Variants in SSBP2 observed in about 807,000 individuals in gnomAD.
SSBP2 encodes the protein single stranded DNA binding protein 2, also known as single-stranded DNA-binding protein 2.
A neutral mutation model predicts 61.8 loss-of-function variants in SSBP2; 17 were observed. The ratio of observed to expected loss-of-function variants is 0.28; its 90% CI spans 0.19 to 0.41. The LOEUF (loss-of-function observed/expected upper bound fraction) is 0.41. Ranked by LOEUF, SSBP2 falls within the 10% of genes least tolerant of loss-of-function variation. The pLI is 1.00. For synonymous variants in SSBP2, 139 were observed against 141.3 expected (o/e 0.98, Z 0.12); for missense variants, 310 against 458.7 (o/e 0.68, Z 2.96).
intron 4 of SSBP2, among the ~76,000 whole-genome samples, chr5:81,591,524 A>C (rs1388629728): frequency 6.6e-6 from 1 of 152,226 alleles, no homozygotes; most frequent in Non-Finnish European, 1.5e-5. Flanking sequence ...TAATACATTA[A>C]AGATTCTAAT....
chr5:81,743,108 T>C (rs1446943106), intron 1 of SSBP2, among the ~76,000 whole-genome samples: 3 of 152,128 alleles, frequency 2.0e-5, no homozygotes, highest in African/African-American at 7.2e-5. Context: ...ATCCTTAGGG[T>C]TTGAAAGATA....
chr5:81,508,470 T>G (rs1474228049), intron 5 of SSBP2, among the ~76,000 whole-genome samples: 1 of 152,200 alleles, frequency 6.6e-6, no homozygotes, highest in African/African-American at 2.4e-5. Flanking sequence ...CTGATTTTAC[T>G]TAATTGGTTT....
chr5:81,588,671 T>C (rs1434433459), intron 4 of SSBP2, among the ~76,000 whole-genome samples: 1 of 152,148 alleles, frequency 6.6e-6, no homozygotes, highest in African/African-American at 2.4e-5. Flanking sequence ...TAAATACTTG[T>C]TCATCAAACT....
intron 4 of SSBP2, among the ~76,000 whole-genome samples, chr5:81,588,473 T>C (rs966734303): frequency 3.3e-5 from 5 of 152,054 alleles, no homozygotes; most frequent in African/African-American, 1.2e-4. Context: ...CCATACTGCC[T>C]CAGTATGGGG....
chr5:81,702,378 C>G (rs1385429242), intron 1 of SSBP2, among the ~76,000 whole-genome samples: 1 of 151,716 alleles, frequency 6.6e-6, no homozygotes, highest in African/African-American at 2.4e-5. Context: ...CTCAAAAAAA[C>G]AAACAAACAA....
intron 8 of SSBP2, among the ~76,000 whole-genome samples, chr5:81,468,086 G>A (rs563740919): frequency 5.3e-4 from 81 of 152,060 alleles, no homozygotes; most frequent in Middle Eastern, 3.4e-3. Context: ...ATATCTAAAA[G>A]TAAACTCAAT....
rs527321337 is a variant in SSBP2, at chr5:81,688,810, G to A, written c.63-38471C>T. ...TACAATGCCTAACTCTTCAATGCTC[G>A]AACACTGATGAACAACTGCATGCAT... On this transcript the variant is annotated intron_variant, in intron 1 of 16. Transcript: ENST00000320672. 3.9e-5 allele frequency among the ~76,000 whole-genome samples: 6 copies of A among 152,132 alleles called. No individual in the cohort carries two copies. The South Asian group carries it at 8.3e-4, about 21-fold the overall frequency.
intron 5 of SSBP2, among the ~76,000 whole-genome samples, chr5:81,506,145 G>GA (rs1554077102): frequency 6.6e-6 from 1 of 151,850 alleles, no homozygotes; most frequent in Admixed American, 6.6e-5. Flanking sequence ...AGGCACCTTT[G>GA]TTTTTTTAGT....
chr5:81,474,791 A>G (rs992656085), intron 6 of SSBP2, among the ~76,000 whole-genome samples: 8 of 152,198 alleles, frequency 5.3e-5, no homozygotes, highest in Non-Finnish European at 7.3e-5. Context: ...GACAAATAAA[A>G]TAAGTATTTT....
At chr5:81,708,285 A>C (rs904996780) in intron 1 of SSBP2, among the ~76,000 whole-genome samples, 5 of 152,200 alleles carry the variant, frequency 3.3e-5, no homozygotes, top group Admixed American at 3.3e-4. Context: ...GCTATGAAAG[A>C]GTTATGCATA....
chr5:81,668,769 G>A (rs552166938), intron 1 of SSBP2, among the ~76,000 whole-genome samples: 19 of 151,980 alleles, frequency 1.3e-4, no homozygotes, highest in African/African-American at 3.9e-4. Context: ...CTTTAATAAA[G>A]GTCTTGTTAC....
intron 4 of SSBP2, among the ~76,000 whole-genome samples, chr5:81,526,546 A>G (rs1769955099): frequency 1.3e-5 from 2 of 152,142 alleles, no homozygotes; most frequent in African/African-American, 4.8e-5. Context: ...TTGAAGTAAA[A>G]AATTTAAATA....
Position 81,419,618 on chromosome 5 carries a change from T to C in SSBP2, c.*886A>G, listed in dbSNP as rs1761476763. ...TCATGTTAAAGAGAAAAGATGTTGC[T>C]AAATATATGACAACCCCGGTCACTT... On this transcript the variant is annotated 3_prime_UTR_variant, in exon 17 of 17. Coordinates refer to ENST00000320672, the MANE Select transcript of SSBP2 (RefSeq NM_012446.5). 2 of 152,234 alleles carry C rather than the reference T, an allele frequency of 1.3e-5. No individual in the cohort carries two copies. The highest frequency in any genetic ancestry group is 1.5e-5 in the Non-Finnish European group (1 of 68,048). The allele number at this position is 152,234 out of a possible 1,614,324, so 9.4% of individuals were successfully genotyped here. A position where few individuals can be genotyped will look rare whatever the true frequency, so the allele number is the denominator to read the frequency against.
At chr5:81,740,273 G>A (rs1382809890) in intron 1 of SSBP2, among the ~76,000 whole-genome samples, 3 of 149,990 alleles carry the variant, frequency 2.0e-5, no homozygotes, top group African/African-American at 7.4e-5. Context: ...CTAAGTGAAG[G>A]AATACAGTAT....
intron 16 of SSBP2, among the ~76,000 whole-genome samples, chr5:81,426,255 A>G (rs992808695): frequency 6.6e-6 from 1 of 152,238 alleles, no homozygotes; most frequent in African/African-American, 2.4e-5. Flanking sequence ...TATGACAAAG[A>G]AAGCCACACA....
At chr5:81,511,345 C>A (rs1185713833) in intron 5 of SSBP2, among the ~76,000 whole-genome samples, 1 of 152,132 alleles carries the variant, frequency 6.6e-6, no homozygotes, top group African/African-American at 2.4e-5. Flanking sequence ...ACAACTCTCT[C>A]ACAGGTGCCT....
chr5:81,719,385 C>T (rs1422449245), intron 1 of SSBP2, among the ~76,000 whole-genome samples: 1 of 152,218 alleles, frequency 6.6e-6, no homozygotes, highest in Non-Finnish European at 1.5e-5. Context: ...AAACCTGTTA[C>T]TTCTCAAAAG....
chr5:81,485,763 A>G (rs546248000), intron 6 of SSBP2, among the ~76,000 whole-genome samples: 11 of 152,286 alleles, frequency 7.2e-5, no homozygotes, highest in African/African-American at 2.2e-4. Flanking sequence ...CTCCTGCTTC[A>G]GCCTCCTGAA....
intron 1 of SSBP2, among the ~76,000 whole-genome samples, chr5:81,724,325 T>C (rs1171394211): frequency 6.6e-6 from 1 of 152,038 alleles, no homozygotes; most frequent in Non-Finnish European, 1.5e-5. Context: ...TAGAGTTTCA[T>C]AATTACTCCA....
Sources: allele counts gnomAD v4.1 joint callset (sites outside exome capture counted in the v4.1 genomes callset), GRCh38; gene constraint gnomAD v4.1.1; transcripts MANE v1.5; gene names NCBI Gene and HGNC (gene_info 2026-07-23, HGNC 2026-07-21).